The following SLC6A9 variants were observed in gnomAD, a reference collection of about 807,000 sequenced individuals.
SLC6A9 encodes sodium- and chloride-dependent glycine transporter 1.
SLC6A9 carries 31 observed loss-of-function variants against 70.9 expected under a neutral mutation model. The observed-to-expected ratio is 0.44, with a 90% CI of 0.33 to 0.59. SLC6A9 has a LOEUF of 0.59. SLC6A9 is among the 20% of genes least tolerant of loss of function. SLC6A9 has a pLI of 0.04. For synonymous variants in SLC6A9, 310 were observed against 341.3 expected (o/e 0.91, Z 1.01); for missense variants, 631 against 845.2 (o/e 0.75, Z 3.14).
At chr1:44,024,773 T>G (rs1047731750) in intron 1 of SLC6A9, among the ~76,000 whole-genome samples, 1 of 152,140 alleles carries the variant, frequency 6.6e-6, no homozygotes, top group Non-Finnish European at 1.5e-5. Context: ...GATGGTCCTT[T>G]CCTATCTGGG....
At position 44,010,069 on chromosome 1, in the gene SLC6A9, A is replaced by G; in HGVS notation, c.215T>C (p.Met72Thr). 1 of 1,614,012 alleles carries G rather than the reference A, an allele frequency of 6.2e-7. No individual in the cohort carries two copies. The highest frequency in any genetic ancestry group is 8.5e-7 in the Non-Finnish European group (1 of 1,179,918). ...GGAFMFPYFI[M>T]LIFCGIPLFF... ...GAGGGGGATCCCGCAGAAGATGAGC[A>G]TGATGAAGTAGGGGAACATGAAGGC... The change falls in exon 4 of 14, where the codon ATG (methionine) becomes ACG (threonine). Residue 72 changes from methionine to threonine, a missense_variant. Transcript: ENST00000372310.
At chr1:44,021,140 G>T (rs2086874529) in intron 2 of SLC6A9, among the ~76,000 whole-genome samples, 1 of 152,156 alleles carries the variant, frequency 6.6e-6, no homozygotes, top group Non-Finnish European at 1.5e-5. Context: ...CTCTCCTCCA[G>T]CCCCTTGTCC....
chr1:44,017,372 C>T (rs2086788100), intron 2 of SLC6A9: 16 of 127,044 alleles, frequency 1.3e-4, no homozygotes, highest in Non-Finnish European at 1.8e-4. Flanking sequence ...TGGAACAACA[C>T]ACACACACAC....
chr1:43,999,088 C>T (rs775941583), intron 12 of SLC6A9, among the ~76,000 whole-genome samples: 4 of 151,970 alleles, frequency 2.6e-5, no homozygotes, highest in Admixed American at 6.5e-5. Context: ...GGGGACCCTC[C>T]GGAGACACTG....
intron 2 of SLC6A9, chr1:44,017,396 CACACACACACACA>C: frequency 1.7e-6 from 2 of 1,201,602 alleles, no homozygotes; most frequent in Non-Finnish European, 2.1e-6. Context: ...CACACACACA[CACACACACACACA>C]GACTGGGGCA....
At position 44,008,479 on chromosome 1, in the gene SLC6A9, T is replaced by C; in HGVS notation, c.464A>G (p.Asp155Gly). 1 of 1,614,164 alleles carries C rather than the reference T, an allele frequency of 6.2e-7. No homozygotes were observed. The highest frequency in any genetic ancestry group is 2.2e-5 in the East Asian group (1 of 44,874). ...GGAGGCGTCCAGTACACCGGCGCAGTCATGCGTGTTCCAGGGGTTATTGCA... is the reference window on the plus strand; with the variant it reads ...GGAGGCGTCCAGTACACCGGCGCAGCCATGCGTGTTCCAGGGGTTATTGCA... ...AYCNNPWNTH[D>G]CAGVLDASNL... The change falls in exon 5 of 14, where the codon GAC becomes GGC. Residue 155 changes from aspartate (D) to glycine (G), a missense_variant. Physicochemically the swap from Asp to Gly is moderately conservative, Grantham distance 94. Transcript: ENST00000372310.
chr1:44,026,522 G>T (rs149520333), intron 1 of SLC6A9, among the ~76,000 whole-genome samples: 67 of 152,222 alleles, frequency 4.4e-4, no homozygotes, highest in African/African-American at 1.5e-3. Context: ...AACCAGGTAT[G>T]GTGGTATGCG....
chr1:44,014,092 C>G (rs1242024721), intron 2 of SLC6A9, among the ~76,000 whole-genome samples: 1 of 152,120 alleles, frequency 6.6e-6, no homozygotes, highest in Non-Finnish European at 1.5e-5. Flanking sequence ...CATGGATGGG[C>G]TCTGCTCCAG....
At chr1:44,019,270 C>T (rs2086836773) in intron 2 of SLC6A9, among the ~76,000 whole-genome samples, 1 of 152,242 alleles carries the variant, frequency 6.6e-6, no homozygotes, top group South Asian at 2.1e-4. Flanking sequence ...AAGTTAACTT[C>T]CCATATCTTA....
At chr1:44,024,154 C>CG in intron 2 of SLC6A9, 94 bp downstream of exon 2, 5 of 1,326,478 alleles carry the variant, frequency 3.8e-6, no homozygotes, top group Non-Finnish European at 5.4e-6. Flanking sequence ...CTGGCAGTGC[C>CG]GGCCTTCCTA....
At position 44,022,019 on chromosome 1, in the gene SLC6A9, C is replaced by T. The variant is rs1350781385; in HGVS notation, c.30+2229G>A. 3.9e-5 allele frequency among the ~76,000 whole-genome samples: 6 copies of T among 152,258 alleles called. No individual in the cohort carries two copies. The East Asian group carries it at 9.6e-4, about 24-fold the overall frequency. ...ATGCTATGGGCCTCAAACGCAGCAA[C>T]AGTGGGCAAAAGCCAAAGGGCAGAG... On this transcript the variant is annotated intron_variant, in intron 2 of 13. Coordinates refer to ENST00000372310, the MANE Select transcript of SLC6A9 (RefSeq NM_001024845.3).
Position 44,008,348 on chromosome 1 carries a change from C to T in SLC6A9, c.590+5G>A, listed in dbSNP as rs1229846823. 1.2e-6 allele frequency: 2 copies of T among 1,613,154 alleles called. No homozygotes were observed. The highest frequency in any genetic ancestry group is 8.5e-7 in the Non-Finnish European group (1 of 1,179,226). On this transcript the variant is annotated splice_donor_5th_base_variant and intron_variant, in intron 5 of 13. Coordinates refer to ENST00000372310, the MANE Select transcript of SLC6A9 (RefSeq NM_001024845.3). ...CCCCCACCCCAGGTCCTGCAGGTGC[C>T]TCACCTCCAGTACTCCTCGCTGGGG...
intron 2 of SLC6A9, among the ~76,000 whole-genome samples, chr1:44,015,275 C>T (rs773987864): frequency 6.6e-5 from 10 of 152,210 alleles, no homozygotes; most frequent in South Asian, 2.1e-4. Flanking sequence ...CCACCCTGGA[C>T]GGTGACTGTG....
intron 2 of SLC6A9, among the ~76,000 whole-genome samples, chr1:44,023,076 A>C (rs1248952202): frequency 6.6e-6 from 1 of 151,986 alleles, no homozygotes; most frequent in East Asian, 1.9e-4. Flanking sequence ...TCGTTTGGGG[A>C]GGGCTCAGTA....
At chr1:44,029,210 T>A (rs2087045597) in intron 1 of SLC6A9, among the ~76,000 whole-genome samples, 1 of 152,196 alleles carries the variant, frequency 6.6e-6, no homozygotes, top group Non-Finnish European at 1.5e-5. Context: ...TAACGGTCCA[T>A]CTTGGCCAAG....
In SLC6A9 at chr1:44,000,838, T is replaced by C. The variant is rs758732938; in HGVS notation, c.1465A>G (p.Met489Val). ...GHRNYFQDIQMMLGFPPPLFF... is the reference protein window; with the variant it reads ...GHRNYFQDIQVMLGFPPPLFF... The stretch of plus-strand genomic sequence containing the variant: ...AGGGGTGGTGGGAATCCCAGCATCA[T>C]CTGGATGTCCTGGAAGTAGTTCCGG... Residue 489 changes from methionine to valine, a missense_variant, in exon 12 of 14, where the codon ATG (methionine) becomes GTG (valine). Met to Val is a conservative substitution (Grantham distance 21). Coordinates refer to ENST00000372310, the MANE Select transcript of SLC6A9 (RefSeq NM_001024845.3). 6.2e-7 allele frequency: 1 copy of C among 1,611,618 alleles called. No individual in the cohort carries two copies. The highest frequency in any genetic ancestry group is 8.5e-7 in the Non-Finnish European group (1 of 1,178,844).
At chr1:44,011,545 G>T (rs772185093) in intron 2 of SLC6A9, 3 of 1,612,340 alleles carry the variant, frequency 1.9e-6, no homozygotes, top group Non-Finnish European at 1.7e-6. Flanking sequence ...CTGGGGAGGG[G>T]CCCTGGGGAG....
rs1470243865 is a variant in SLC6A9, at chr1:44,018,924, T to C, written c.30+5324A>G. ...CAAACTGGGTGACAAAGTGAGACCT[T>C]GTTTCAAAAAATTAATAAAAAATAA... On this transcript the variant is annotated intron_variant, in intron 2 of 13. Transcript: ENST00000372310. This position sits in a 1 kb window ranked among gnomAD's most constrained non-coding sequence, Gnocchi z 4.2. Among the ~76,000 whole-genome samples the C allele has an allele frequency of 6.6e-6, 1 of 152,168 alleles. No individual in the cohort carries two copies. The highest frequency in any genetic ancestry group is 1.9e-4 in the East Asian group (1 of 5,202).
chr1:44,001,266 A>G lies in SLC6A9; in HGVS notation c.1233T>C (p.Ile411=). 1 of 1,614,172 alleles carries G rather than the reference A, an allele frequency of 6.2e-7. No individual in the cohort carries two copies. The highest frequency in any genetic ancestry group is 8.5e-7 in the Non-Finnish European group (1 of 1,180,030). ...FCLLETLVTA[I]VDEVGNEWIL... Reference sequence around the variant, plus strand: ...TCCACTCATTCCCCACCTCATCCACAATGGCTGTGACCAGCGTCTCCAGGA... The same window carrying G: ...TCCACTCATTCCCCACCTCATCCACGATGGCTGTGACCAGCGTCTCCAGGA... Residue 411 remains isoleucine (I), a synonymous_variant, in exon 10 of 14, where the codon ATT becomes ATC. Transcript: ENST00000372310.
Sources: allele counts gnomAD v4.1 joint callset (sites outside exome capture counted in the v4.1 genomes callset), GRCh38; gene constraint gnomAD v4.1.1; non-coding constraint Gnocchi (gnomAD v3.1); transcripts MANE v1.5; gene names NCBI Gene and HGNC (gene_info 2026-07-23, HGNC 2026-07-21).